ROBO2: variants seen among roughly 807,000 people sequenced by gnomAD.
The protein encoded by ROBO2 is roundabout homolog 2.
ROBO2 carries 53 observed loss-of-function variants against 160.8 expected under a neutral mutation model. The observed-to-expected ratio is 0.33, with a 90% CI of 0.26 to 0.41. The LOEUF (loss-of-function observed/expected upper bound fraction) is 0.41, where lower values mean the gene tolerates loss of function less well. ROBO2 is among the 10% of genes least tolerant of loss of function. The pLI is 1.00. For missense variants in ROBO2, 1,577 were observed against 1,722.4 expected (o/e 0.92, Z 1.49); for synonymous variants, 664 against 611.7 (o/e 1.09, Z -1.26).
chr3:77,187,589 C>T (rs558373701), intron 2 of ROBO2, among the ~76,000 whole-genome samples: 1 of 152,026 alleles, frequency 6.6e-6, no homozygotes, highest in East Asian at 1.9e-4. Flanking sequence ...ATCTGTGGAT[C>T]ATCCTTACAG....
At chr3:76,259,277 C>T (rs1706592044) in intron 2 of ROBO2, among the ~76,000 whole-genome samples, 1 of 152,022 alleles carries the variant, frequency 6.6e-6, no homozygotes, top group African/African-American at 2.4e-5. Flanking sequence ...ATCTAATCTC[C>T]ACCTCCTCAT....
At chr3:76,497,612 G>A (rs2080224887) in intron 2 of ROBO2, among the ~76,000 whole-genome samples, 1 of 152,144 alleles carries the variant, frequency 6.6e-6, no homozygotes, top group African/African-American at 2.4e-5. Flanking sequence ...TCAGTTATTT[G>A]GGCAAATATA....
chr3:77,554,109 T>C (rs1356570089), intron 8 of ROBO2, among the ~76,000 whole-genome samples: 3 of 151,956 alleles, frequency 2.0e-5, no homozygotes, highest in Admixed American at 2.0e-4. Flanking sequence ...TCATTTACTA[T>C]TTCAAAAATT....
At chr3:76,398,164 T>C (rs2077580632) in intron 2 of ROBO2, among the ~76,000 whole-genome samples, 1 of 152,092 alleles carries the variant, frequency 6.6e-6, no homozygotes, top group Non-Finnish European at 1.5e-5. Context: ...GATGAGTTCA[T>C]GTCCTTTGTA....
At chr3:76,545,193 C>T (rs2083029409) in intron 2 of ROBO2, among the ~76,000 whole-genome samples, 1 of 151,908 alleles carries the variant, frequency 6.6e-6, no homozygotes, top group Admixed American at 6.6e-5. Flanking sequence ...CTCTAGGGTA[C>T]TAGGCCTTGT....
chr3:76,184,667 A>G (rs1034543194), intron 2 of ROBO2, among the ~76,000 whole-genome samples: 1 of 152,058 alleles, frequency 6.6e-6, no homozygotes, highest in Non-Finnish European at 1.5e-5. Flanking sequence ...GGCATGTGCA[A>G]GCTATAGACC....
At position 77,212,937 on chromosome 3, in the gene ROBO2, G is replaced by C. The variant is rs368414580; in HGVS notation, c.388+114597G>C. Among the ~76,000 whole-genome samples the C allele has an allele frequency of 1.5e-4, 23 of 152,280 alleles. No individual in the cohort carries two copies. In the East Asian group the frequency reaches 3.9e-3, roughly 26 times the overall value. On this transcript the variant is annotated intron_variant, in intron 2 of 25. Coordinates refer to ENST00000461745, the Ensembl canonical transcript of ROBO2. ...CCAGGGATGAAGCCCACTTGATCAT[G>C]GTGGATAAGCTTTTTGATGTGCTGC...
intron 2 of ROBO2, among the ~76,000 whole-genome samples, chr3:77,001,964 G>GGAATTAATGAGTAATTTTT (rs2061355793): frequency 6.6e-6 from 1 of 151,948 alleles, no homozygotes; most frequent in Non-Finnish European, 1.5e-5. Context: ...GCCCAAATCA[G>GGAATTAATGAGTAATTTTT]GAATTAATGA....
chr3:77,328,564 A>G (rs918007745), intron 2 of ROBO2, among the ~76,000 whole-genome samples: 1 of 152,136 alleles, frequency 6.6e-6, no homozygotes, highest in Non-Finnish European at 1.5e-5. Flanking sequence ...TTGGTGATTG[A>G]TCTGCTGTTT....
intron 2 of ROBO2, among the ~76,000 whole-genome samples, chr3:76,560,626 A>AAAAAG (rs1293571236): frequency 1.3e-5 from 2 of 150,410 alleles, no homozygotes; most frequent in Non-Finnish European, 3.0e-5. Context: ...CAAAAAAAAA[A>AAAAAG]AAAAGAAAAG....
chr3:76,761,294 G>A (rs1465949325), intron 2 of ROBO2, among the ~76,000 whole-genome samples: 1 of 151,660 alleles, frequency 6.6e-6, no homozygotes, highest in Non-Finnish European at 1.5e-5. Context: ...TTCAGATTAG[G>A]CTCAGCTCTG....
chr3:77,480,980 AG>A, intron 3 of ROBO2, 118 bp from the exon 4 acceptor site: 1 of 846,150 alleles, frequency 1.2e-6, no homozygotes, highest in Admixed American at 2.2e-5. Flanking sequence ...ATAATGGGAG[AG>A]TTTTTTCCTT....
At chr3:76,687,717 G>A (rs1449373741) in intron 2 of ROBO2, among the ~76,000 whole-genome samples, 1 of 151,870 alleles carries the variant, frequency 6.6e-6, no homozygotes, top group African/African-American at 2.4e-5. Flanking sequence ...ACAAGTTTTG[G>A]CAACACAACC....
chr3:76,203,159 C>T (rs1161607076), intron 2 of ROBO2, among the ~76,000 whole-genome samples: 3 of 149,426 alleles, frequency 2.0e-5, no homozygotes, highest in Admixed American at 2.0e-4. Flanking sequence ...AAATCCCCCC[C>T]AGATCCACAC....
intron 2 of ROBO2, among the ~76,000 whole-genome samples, chr3:76,811,107 A>G (rs1458612906): frequency 1.3e-5 from 2 of 152,116 alleles, no homozygotes; most frequent in Non-Finnish European, 2.9e-5. Context: ...AATGATTTTT[A>G]TTATTGAGGT....
chr3:77,131,304 T>G (rs1464993696), intron 2 of ROBO2, among the ~76,000 whole-genome samples: 5 of 152,212 alleles, frequency 3.3e-5, no homozygotes, highest in Non-Finnish European at 5.9e-5. Context: ...AAAAAGGCTA[T>G]GTATAGGCAG....
chr3:76,162,422 G>A (rs932814602), intron 2 of ROBO2, among the ~76,000 whole-genome samples: 1 of 151,934 alleles, frequency 6.6e-6, no homozygotes, highest in Non-Finnish European at 1.5e-5. Context: ...TGATCCTCCC[G>A]CCTCCTCCTG....
At chr3:76,186,623 T>C (rs1365289261) in intron 2 of ROBO2, among the ~76,000 whole-genome samples, 2 of 151,092 alleles carry the variant, frequency 1.3e-5, no homozygotes, top group African/African-American at 4.8e-5. Context: ...CCACTTTTTT[T>C]CCAAATCATC....
At chr3:77,497,770 C>T (rs1182695303) in intron 5 of ROBO2, among the ~76,000 whole-genome samples, 2 of 151,988 alleles carry the variant, frequency 1.3e-5, no homozygotes, top group Non-Finnish European at 2.9e-5. Flanking sequence ...CCATCTTATG[C>T]CATGTTCCCT....
Sources: gnomAD v4.1 joint callset for allele counts (sites outside exome capture counted in the v4.1 genomes callset) on GRCh38, gnomAD v4.1.1 for gene constraint, MANE v1.5 for transcripts, NCBI Gene and HGNC (gene_info 2026-07-23, HGNC 2026-07-21) for gene names.